LYPLAL1: variants seen among roughly 807,000 people sequenced by gnomAD.
LYPLAL1 encodes lysophospholipase like 1, also known as lysophospholipase-like protein 1.
A neutral mutation model predicts 19.7 loss-of-function variants in LYPLAL1; 23 were observed. That is an observed-to-expected ratio of 1.17 (90% CI 0.84 to 1.65). The LOEUF is 1.65. LYPLAL1 is among the 40% of genes most tolerant of loss of function. LYPLAL1 has a pLI of 0.00. For synonymous variants in LYPLAL1, 119 were observed against 96.3 expected, an observed-to-expected ratio of 1.24 and a Z score of -1.38; for missense variants, 355 against 279.4, an observed-to-expected ratio of 1.27 and a Z score of -1.93.
chr1:219,371,377 G>T, the LYPLAL1 span, among the ~76,000 whole-genome samples: 1 of 152,156 alleles, frequency 6.6e-6, no homozygotes, highest in Admixed American at 6.5e-5. Context: ...GCCCTCCTGG[G>T]GGGTCAGGGA....
the LYPLAL1 span, among the ~76,000 whole-genome samples, chr1:219,282,383 T>C: frequency 6.6e-6 from 1 of 151,608 alleles, no homozygotes; most frequent in Non-Finnish European, 1.5e-5. Context: ...AATTAGGAGT[T>C]CCAGAAAGAA....
At chr1:219,388,562 C>T in the LYPLAL1 span, among the ~76,000 whole-genome samples, 2 of 152,148 alleles carry the variant, frequency 1.3e-5, no homozygotes, top group African/African-American at 4.8e-5. Flanking sequence ...TTTCAATCAG[C>T]TGTGACTGGA....
At chr1:219,419,594 C>CACACACACACACAGAGAG in the LYPLAL1 span, among the ~76,000 whole-genome samples, 24 of 99,600 alleles carry the variant, frequency 2.4e-4, no homozygotes, top group Admixed American at 5.5e-4. Flanking sequence ...CACACACACA[C>CACACACACACACAGAGAG]AGAGAGAGAG....
chr1:219,380,846 C>G, the LYPLAL1 span, among the ~76,000 whole-genome samples: 6 of 152,210 alleles, frequency 3.9e-5, no homozygotes, highest in African/African-American at 1.4e-4. Flanking sequence ...CCTGTTGGTC[C>G]TAGTGAGAAA....
At chr1:219,244,416 AAAATTCCACAGTGGAGGAG>A in the LYPLAL1 span, among the ~76,000 whole-genome samples, 1 of 152,148 alleles carries the variant, frequency 6.6e-6, no homozygotes, top group African/African-American at 2.4e-5. Flanking sequence ...TAAGACCTGG[AAAATTCCACAGTGGAGGAG>A]GGATACTGCC....
the LYPLAL1 span, among the ~76,000 whole-genome samples, chr1:219,264,783 G>C: frequency 5.9e-4 from 90 of 152,226 alleles, no homozygotes; most frequent in Non-Finnish European, 6.0e-4. Flanking sequence ...CACATTTATT[G>C]TGCATGCCAT....
the LYPLAL1 span, among the ~76,000 whole-genome samples, chr1:219,426,137 G>A: frequency 5.9e-5 from 9 of 152,294 alleles, no homozygotes; most frequent in African/African-American, 2.2e-4. Context: ...TTTGGTTTGG[G>A]CCATGGGTAA....
the LYPLAL1 span, among the ~76,000 whole-genome samples, chr1:219,413,132 C>G: frequency 6.6e-6 from 1 of 151,386 alleles, no homozygotes; most frequent in Non-Finnish European, 1.5e-5. Flanking sequence ...AGAAAAATTT[C>G]TTGACAAAGA....
the LYPLAL1 span, among the ~76,000 whole-genome samples, chr1:219,233,029 C>A: frequency 6.6e-6 from 1 of 152,138 alleles, no homozygotes; most frequent in East Asian, 1.9e-4. Context: ...AGTGATTCTT[C>A]TTCTTGGTAT....
chr1:219,347,543 T>C, the LYPLAL1 span, among the ~76,000 whole-genome samples: 1 of 152,168 alleles, frequency 6.6e-6, no homozygotes, highest in Non-Finnish European at 1.5e-5. Context: ...AGAACTAAAA[T>C]AATACCACCC....
At chr1:219,414,385 A>G in the LYPLAL1 span, among the ~76,000 whole-genome samples, 17 of 152,180 alleles carry the variant, frequency 1.1e-4, no homozygotes, top group Non-Finnish European at 2.2e-4. Flanking sequence ...ACTGACTGGC[A>G]CTCAATGGAG....
intron 2 of LYPLAL1, among the ~76,000 whole-genome samples, chr1:219,191,580 A>T (rs1245684793): frequency 6.6e-6 from 1 of 151,646 alleles, no homozygotes; most frequent in African/African-American, 2.4e-5. Flanking sequence ...ATTTTAATTT[A>T]TAAGAATAAC....
chr1:219,338,635 G>A, the LYPLAL1 span, among the ~76,000 whole-genome samples: 1 of 151,542 alleles, frequency 6.6e-6, no homozygotes, highest in Non-Finnish European at 1.5e-5. Flanking sequence ...AAACAGAAGT[G>A]GTAATTCCCA....
At chr1:219,335,633 C>G in the LYPLAL1 span, among the ~76,000 whole-genome samples, 1 of 152,034 alleles carries the variant, frequency 6.6e-6, no homozygotes, top group Admixed American at 6.6e-5. Context: ...ACTCTTCCCT[C>G]TAGAATGAGA....
intron 2 of LYPLAL1, 77 bp downstream of exon 2, chr1:219,179,323 G>A: frequency 9.8e-7 from 1 of 1,015,232 alleles, no homozygotes; most frequent in South Asian, 1.5e-5. Context: ...CCAGCTAGGT[G>A]TTCTTTAAGC....
chr1:219,423,494 A>T, the LYPLAL1 span, among the ~76,000 whole-genome samples: 3 of 152,200 alleles, frequency 2.0e-5, no homozygotes, highest in Admixed American at 1.3e-4. Flanking sequence ...TTTTTGAGTG[A>T]GATATATAAA....
chr1:219,198,860 C>T (rs2125082610), intron 3 of LYPLAL1: 1 of 152,178 alleles, frequency 6.6e-6, no homozygotes, highest in East Asian at 1.9e-4. Flanking sequence ...TCCTGGTTCC[C>T]ATACCCCACC....
At chr1:219,240,842 A>G in the LYPLAL1 span, among the ~76,000 whole-genome samples, 21 of 151,878 alleles carry the variant, frequency 1.4e-4, no homozygotes, top group South Asian at 4.4e-3. Flanking sequence ...GGAAGACTAC[A>G]TTGGACTCTT....
the LYPLAL1 span, among the ~76,000 whole-genome samples, chr1:219,418,926 C>A: frequency 1.3e-5 from 2 of 152,156 alleles, no homozygotes; most frequent in Non-Finnish European, 2.9e-5. Flanking sequence ...AAATTGGCTT[C>A]TTTTATTCAG....
Sources: allele counts gnomAD v4.1 joint callset (sites outside exome capture counted in the v4.1 genomes callset), GRCh38; gene constraint gnomAD v4.1.1; transcripts MANE v1.5; gene names NCBI Gene and HGNC (gene_info 2026-07-23, HGNC 2026-07-21).